The following KCNMA1 variants were observed in gnomAD, a reference collection of about 807,000 sequenced individuals.
The protein encoded by KCNMA1 is Calcium-activated potassium channel subunit alpha-1.
Under a neutral mutation model 140.0 loss-of-function variants are expected in KCNMA1, and 29 were observed. The ratio of observed to expected loss-of-function variants is 0.21; its 90% CI spans 0.15 to 0.28. The LOEUF (loss-of-function observed/expected upper bound fraction) is 0.28. Ranked by LOEUF, KCNMA1 falls within the 10% of genes least tolerant of loss-of-function variation. The pLI is 1.00. For missense variants in KCNMA1, 880 were observed against 1,602.2 expected, an observed-to-expected ratio of 0.55 and a Z score of 7.70; for synonymous variants, 612 against 611.9, an observed-to-expected ratio of 1.00 and a Z score of 0.00.
rs181148536 is a variant in KCNMA1 at position 77,128,768 on chromosome 10, C to A, written c.809-7720G>T. Among the ~76,000 whole-genome samples the A allele has an allele frequency of 9.9e-5, 15 of 152,194 alleles. No individual in the cohort carries two copies. The East Asian group carries it at 2.7e-3, about 27-fold the overall frequency. On this transcript the variant is annotated intron_variant, in intron 5 of 27. Transcript: ENST00000286628. ...GTAAAATGTTATTCATATAAATAGG[C>A]CATGGACACTAATTTTCTACACTTG... is the stretch of plus-strand genomic sequence containing the variant.
chr10:77,012,007 G>A lies in KCNMA1; in HGVS notation c.2052C>T (p.Ile684=). 1.2e-6 allele frequency: 2 copies of A among 1,613,854 alleles called. No homozygotes were observed. Among genetic ancestry groups the A allele is most frequent in the Non-Finnish European group, 8.5e-7 (1 of 1,179,882 alleles). Residue 684 remains isoleucine, a synonymous_variant, in exon 18 of 28, where the codon ATC becomes ATT. Transcript: ENST00000286628. ...FFYCKACHDD[I]TDPKRIKKCG... ...ATTTTTTTATTCTTTTGGGATCTGT[G>A]ATGTCATCATGACAGGCCTTGCAGT... is the stretch of plus-strand genomic sequence containing the variant.
chr10:77,277,521 C>G (rs1565671368), intron 2 of KCNMA1, among the ~76,000 whole-genome samples: 1 of 152,168 alleles, frequency 6.6e-6, no homozygotes, highest in African/African-American at 2.4e-5. Context: ...TGGGACGGAC[C>G]ACAGCAAAAG....
intron 1 of KCNMA1, chr10:77,634,446 C>A (rs1213979549): frequency 3.0e-6 from 3 of 985,316 alleles, no homozygotes; most frequent in Non-Finnish European, 2.4e-6. Flanking sequence ...CGATGCATGT[C>A]CACAGTCTTG....
intron 1 of KCNMA1, among the ~76,000 whole-genome samples, chr10:77,625,200 T>C (rs1393378941): frequency 6.6e-6 from 1 of 151,804 alleles, no homozygotes; most frequent in East Asian, 1.9e-4. Context: ...CAGACCATGG[T>C]GAAACCCCGT....
intron 1 of KCNMA1, among the ~76,000 whole-genome samples, chr10:77,522,346 C>G (rs903055323): frequency 1.3e-5 from 2 of 152,092 alleles, no homozygotes; most frequent in Non-Finnish European, 2.9e-5. Context: ...CCAGCTGACA[C>G]TCTTTTCCTT....
At position 77,100,582 on chromosome 10, in the gene KCNMA1, C is replaced by T. The variant is rs558048579; in HGVS notation, c.1223+7899G>A. Reference sequence around the variant, plus strand: ...TAATAAAAAGAGACACTGGACTTGGCCAGTTAGAAAGTTTCCTGGTTTAGT... The same window carrying T: ...TAATAAAAAGAGACACTGGACTTGGTCAGTTAGAAAGTTTCCTGGTTTAGT... On this transcript the variant is annotated intron_variant, in intron 9 of 27. Transcript: ENST00000286628. 2.6e-5 allele frequency among the ~76,000 whole-genome samples: 4 copies of T among 152,288 alleles called. No individual in the cohort carries two copies. The South Asian group carries it at 8.3e-4, about 32-fold the overall frequency.
At chr10:76,919,077 T>C (rs959992334) in intron 23 of KCNMA1, among the ~76,000 whole-genome samples, 34 of 152,166 alleles carry the variant, frequency 2.2e-4, no homozygotes, top group Admixed American at 9.2e-4. Flanking sequence ...AAACATCATA[T>C]GTTCTCACTG....
At chr10:77,392,405 G>T (rs997478557) in intron 2 of KCNMA1, among the ~76,000 whole-genome samples, 1 of 152,150 alleles carries the variant, frequency 6.6e-6, no homozygotes, top group Non-Finnish European at 1.5e-5. Flanking sequence ...GTGCAATCAG[G>T]ACTAGAATGT....
intron 14 of KCNMA1, among the ~76,000 whole-genome samples, chr10:77,068,698 T>TCGTGTGTGTG (rs139450755): frequency 1.5e-5 from 2 of 132,576 alleles, no homozygotes; most frequent in Non-Finnish European, 3.1e-5. Context: ...GTTCCAGGTT[T>TCGTGTGTGTG]TGTGTGTGTG....
chr10:77,000,912 CA>C (rs2086196372), intron 19 of KCNMA1, among the ~76,000 whole-genome samples: 1 of 105,478 alleles, frequency 9.5e-6, no homozygotes, highest in Admixed American at 9.7e-5. Context: ...CCATCTGCAT[CA>C]AAACTCTGTT....
At chr10:77,136,503 G>T (rs2154006419) in intron 5 of KCNMA1, among the ~76,000 whole-genome samples, 1 of 151,338 alleles carries the variant, frequency 6.6e-6, no homozygotes, top group African/African-American at 2.4e-5. Context: ...TAACATTACT[G>T]AACTGTACAC....
intron 14 of KCNMA1, among the ~76,000 whole-genome samples, chr10:77,072,457 C>A (rs2096249408): frequency 6.6e-6 from 1 of 151,996 alleles, no homozygotes; most frequent in African/African-American, 2.4e-5. Context: ...ACTGGTGCAG[C>A]AGGTATGGCC....
At chr10:77,552,641 T>G (rs983100670) in intron 1 of KCNMA1, among the ~76,000 whole-genome samples, 2 of 152,226 alleles carry the variant, frequency 1.3e-5, no homozygotes, top group African/African-American at 4.8e-5. Context: ...GGCAGAGTTT[T>G]GTTTTTCCTG....
At chr10:76,904,135 C>T (rs1200625369) in intron 25 of KCNMA1, 20 of 152,148 alleles carry the variant, frequency 1.3e-4, no homozygotes, top group African/African-American at 3.1e-4. Flanking sequence ...TGCCATTCTC[C>T]AATTAGCAGA....
At position 76,947,749 on chromosome 10, in the gene KCNMA1, T is replaced by G. The variant is rs529832148; in HGVS notation, c.2709+1393A>C. ...AACTGTCCGATCTTTTTCTCACTCC[T>G]TTAAATATTTATTGAGTCCCTATTG... On this transcript the variant is annotated intron_variant, in intron 22 of 27. Transcript: ENST00000286628. Among the ~76,000 whole-genome samples the G allele has an allele frequency of 2.6e-5, 4 of 152,312 alleles. No individual in the cohort carries two copies. The South Asian group carries it at 8.3e-4, about 32-fold the overall frequency.
rs544790279 is a variant in KCNMA1, at chr10:77,479,830, G to A, written c.379-75807C>T. Among the ~76,000 whole-genome samples the A allele has an allele frequency of 1.6e-4, 25 of 152,276 alleles. No homozygotes were observed. The South Asian group carries it at 4.8e-3, about 29-fold the overall frequency. ...CCACGGGTCTTGTCTTTCAGGCTAGGACAAGTTGTTTAACCTTTCACGTGC... is the reference window on the plus strand; with the variant it reads ...CCACGGGTCTTGTCTTTCAGGCTAGAACAAGTTGTTTAACCTTTCACGTGC... On this transcript the variant is annotated intron_variant, in intron 1 of 27. Coordinates refer to ENST00000286628, the MANE Select transcript of KCNMA1 (RefSeq NM_001161352.2).
chr10:77,290,399 G>A (rs2072770388), intron 2 of KCNMA1, among the ~76,000 whole-genome samples: 1 of 152,192 alleles, frequency 6.6e-6, no homozygotes, highest in African/African-American at 2.4e-5. Flanking sequence ...GCAGTAAGAA[G>A]TCAGATCAGA....
rs2080076433 is a variant in KCNMA1, at chr10:77,314,009, G to C, written c.541-62753C>G. ...GACCGTCATTTTATAAATGAAATGAGAATGGAATGAAATGAAGTGGAGTGG... is the reference window on the plus strand; with the variant it reads ...GACCGTCATTTTATAAATGAAATGACAATGGAATGAAATGAAGTGGAGTGG... On this transcript the variant is annotated intron_variant, in intron 2 of 27. Transcript: ENST00000286628. The C allele has an allele frequency of 2.0e-5, 3 of 152,122 alleles. No individual in the cohort carries two copies. The South Asian group carries it at 6.2e-4, about 32-fold the overall frequency. The allele number at this position is 152,122 out of a possible 1,614,324, so 9.4% of individuals were successfully genotyped here. A position where few individuals can be genotyped will look rare whatever the true frequency, so the allele number is the denominator to read the frequency against.
intron 27 of KCNMA1, among the ~76,000 whole-genome samples, chr10:76,889,037 C>G (rs2038696471): frequency 6.6e-6 from 1 of 150,434 alleles, no homozygotes; most frequent in Non-Finnish European, 1.5e-5. Flanking sequence ...CCAGCCTGGG[C>G]AACAGAGCAA....
Sources: allele counts gnomAD v4.1 joint callset (sites outside exome capture counted in the v4.1 genomes callset), GRCh38; gene constraint gnomAD v4.1.1; transcripts MANE v1.5; gene names NCBI Gene and HGNC (gene_info 2026-07-23, HGNC 2026-07-21).